The following LNPK variants were observed in gnomAD, a reference collection of about 807,000 sequenced individuals.
LNPK encodes the protein endoplasmic reticulum junction formation protein lunapark.
A neutral mutation model predicts 55.2 loss-of-function variants in LNPK; 29 were observed. The observed-to-expected ratio is 0.53, with a 90% CI of 0.39 to 0.72. The LOEUF (loss-of-function observed/expected upper bound fraction) is 0.72, where lower values mean the gene tolerates loss of function less well. LNPK is among the 30% of genes least tolerant of loss of function. The pLI, the probability that LNPK is intolerant of heterozygous loss-of-function variation, is 0.00. For missense variants in LNPK, 467 were observed against 494.8 expected (o/e 0.94, Z 0.53); for synonymous variants, 162 against 168.2 (o/e 0.96, Z 0.29).
chr2:175,969,659 A>C (rs1032050086), intron 6 of LNPK, among the ~76,000 whole-genome samples: 4 of 152,168 alleles, frequency 2.6e-5, no homozygotes, highest in Non-Finnish European at 4.4e-5. Context: ...ATCATATCAC[A>C]ACTTCTAAAT....
chr2:175,995,607 A>G lies in LNPK; in HGVS notation c.-23T>C. The G allele has an allele frequency of 6.3e-7, 1 of 1,591,390 alleles. No homozygotes were observed. Among genetic ancestry groups the G allele is most frequent in the South Asian group, 1.1e-5 (1 of 90,514 alleles). ...CATCTTTTATTTGTAGAAACTGGGC[A>G]CAATGATAAATATCATCAATTGTCC... On this transcript the variant is annotated 5_prime_UTR_variant, in exon 2 of 13. Coordinates refer to ENST00000272748, the MANE Select transcript of LNPK (RefSeq NM_030650.3).
In LNPK at chr2:175,944,959, C is replaced by T. The variant is rs1033349438; in HGVS notation, c.706+2521G>A. 4.6e-5 allele frequency among the ~76,000 whole-genome samples: 7 copies of T among 151,214 alleles called. No homozygotes were observed. In the East Asian group the frequency reaches 9.8e-4, roughly 21 times the overall value. On this transcript the variant is annotated intron_variant, in intron 9 of 12. Transcript: ENST00000272748. Reference sequence around the variant, plus strand: ...TTGTTTTTTTTTTGAGACACAGTGGCGATATCTCAGTTCACTGTAACCTCC... The same window carrying T: ...TTGTTTTTTTTTTGAGACACAGTGGTGATATCTCAGTTCACTGTAACCTCC...
intron 11 of LNPK, 115 bp from the exon 12 acceptor site, chr2:175,937,629 A>T (rs1304855463): frequency 1.5e-6 from 1 of 665,716 alleles, no homozygotes; most frequent in Non-Finnish European, 2.5e-6. Flanking sequence ...TTTAAAAGTT[A>T]CTGTGTATGT....
chr2:175,960,131 T>C (rs1322525602), intron 8 of LNPK, among the ~76,000 whole-genome samples: 1 of 152,158 alleles, frequency 6.6e-6, no homozygotes, highest in African/African-American at 2.4e-5. Flanking sequence ...CACCCCACTG[T>C]CAATATTAGA....
chr2:175,988,306 A>AGC (rs1159800732), intron 4 of LNPK, among the ~76,000 whole-genome samples: 5 of 152,028 alleles, frequency 3.3e-5, no homozygotes, highest in African/African-American at 9.7e-5. Flanking sequence ...GTTTGAGACC[A>AGC]GCCTGGTCAA....
intron 4 of LNPK, among the ~76,000 whole-genome samples, chr2:175,986,525 TAC>T (rs1687420833): frequency 6.6e-6 from 1 of 152,072 alleles, no homozygotes; most frequent in South Asian, 2.1e-4. Flanking sequence ...CAAAAACATG[TAC>T]AGTGTTATTG....
chr2:175,985,395 G>A (rs1687357627), intron 4 of LNPK, among the ~76,000 whole-genome samples: 1 of 152,192 alleles, frequency 6.6e-6, no homozygotes, highest in South Asian at 2.1e-4. Context: ...TTGAAGCAAT[G>A]TCAATTTCCT....
In LNPK at chr2:175,928,529, A is replaced by G. The variant is rs1221923539; in HGVS notation, c.*1438T>C. The G allele has an allele frequency of 1.4e-5, 2 of 143,796 alleles. No individual in the cohort carries two copies. Among genetic ancestry groups the G allele is most frequent in the African/African-American group, 2.6e-5 (1 of 38,976 alleles). 8.9% of individuals were successfully genotyped at this position (143,796 alleles called of 1,614,324 possible). Reference sequence around the variant, plus strand: ...AGTTCCAAAAAAAAAAAAAAAAAAAAACTGTCACATATGAGATATTAAATC... The same window carrying G: ...AGTTCCAAAAAAAAAAAAAAAAAAAGACTGTCACATATGAGATATTAAATC... On this transcript the variant is annotated 3_prime_UTR_variant, in exon 13 of 13. Transcript: ENST00000272748.
rs977157856 is a variant in LNPK, at chr2:175,926,229, G to C, written c.*3738C>G. ...TGCTATGGTTTGAATGCTACAAAAA[G>C]CATGTGTTGAAAACTTATGCTAACT... is the stretch of plus-strand genomic sequence containing the variant. On this transcript the variant is annotated 3_prime_UTR_variant, in exon 13 of 13. Transcript: ENST00000272748. 3.3e-5 allele frequency: 5 copies of C among 152,186 alleles called. No individual in the cohort carries two copies. The South Asian group carries it at 1.0e-3, about 31-fold the overall frequency. The allele number at this position is 152,186 out of a possible 1,614,324, so 9.4% of individuals were successfully genotyped here. A position where few individuals can be genotyped will look rare whatever the true frequency, so the allele number is the denominator to read the frequency against.
chr2:175,968,838 G>A (rs1434084078), intron 6 of LNPK, among the ~76,000 whole-genome samples: 3 of 152,010 alleles, frequency 2.0e-5, no homozygotes, highest in Admixed American at 6.6e-5. Flanking sequence ...GGCCAACATA[G>A]TGAAGCCCCG....
At chr2:175,955,404 TCAGTA>T (rs1239436585) in intron 8 of LNPK, among the ~76,000 whole-genome samples, 1 of 152,114 alleles carries the variant, frequency 6.6e-6, no homozygotes, top group Non-Finnish European at 1.5e-5. Flanking sequence ...ATCCTCTAGC[TCAGTA>T]AAGTAGCTCT....
intron 8 of LNPK, among the ~76,000 whole-genome samples, chr2:175,948,868 T>C (rs1685270733): frequency 2.0e-5 from 3 of 152,140 alleles, no homozygotes; most frequent in Non-Finnish European, 4.4e-5. Flanking sequence ...GCCCTGCAGT[T>C]AGAAAGATTT....
rs922888432 is a variant in LNPK at position 175,929,652 on chromosome 2, G to A, written c.*315C>T. 13 of 1,071,418 alleles carry A rather than the reference G, an allele frequency of 1.2e-5. No individual in the cohort carries two copies. The highest frequency in any genetic ancestry group is 8.3e-5 in the African/African-American group (5 of 60,288). 66.4% of individuals were successfully genotyped at this position (1,071,418 alleles called of 1,614,324 possible). A position where few individuals can be genotyped will look rare whatever the true frequency, so the allele number is the denominator to read the frequency against. On this transcript the variant is annotated 3_prime_UTR_variant, in exon 13 of 13. Coordinates refer to ENST00000272748, the MANE Select transcript of LNPK (RefSeq NM_030650.3). ...TTCCTATGTCAAAATGGATATTTAC[G>A]GGTTATACATACAGAAAACAAGAAG...
chr2:175,986,744 T>C (rs1469819440), intron 4 of LNPK, among the ~76,000 whole-genome samples: 1 of 151,942 alleles, frequency 6.6e-6, no homozygotes, highest in African/African-American at 2.4e-5. Flanking sequence ...CCTTTCTTGA[T>C]TAAAAAAAAC....
chr2:175,999,538 C>G (rs1242076591), intron 1 of LNPK, among the ~76,000 whole-genome samples: 1 of 152,208 alleles, frequency 6.6e-6, no homozygotes, highest in Non-Finnish European at 1.5e-5. Flanking sequence ...TAATCCATCT[C>G]TCCTTTCTTT....
intron 2 of LNPK, chr2:175,994,354 A>G: frequency 3.1e-6 from 3 of 982,854 alleles, no homozygotes; most frequent in Non-Finnish European, 3.6e-6. Flanking sequence ...TAACAGGGTC[A>G]ATATAATGCT....
intron 9 of LNPK, among the ~76,000 whole-genome samples, chr2:175,940,825 A>G (rs1684800811): frequency 6.6e-6 from 1 of 152,188 alleles, no homozygotes; most frequent in Admixed American, 6.6e-5. Context: ...AAAACTTAAA[A>G]CCAAATTGAA....
chr2:175,977,102 A>G (rs569127108), intron 5 of LNPK, among the ~76,000 whole-genome samples: 6 of 152,302 alleles, frequency 3.9e-5, no homozygotes, highest in African/African-American at 1.4e-4. Flanking sequence ...TAAACTCCTA[A>G]GTGGAAATGT....
At chr2:175,970,377 C>T (rs1686600166) in intron 6 of LNPK, among the ~76,000 whole-genome samples, 1 of 152,150 alleles carries the variant, frequency 6.6e-6, no homozygotes, top group East Asian at 1.9e-4. Context: ...AACCGATCTT[C>T]TTGATTCCCT....
Sources: gnomAD v4.1 joint callset for allele counts (sites outside exome capture counted in the v4.1 genomes callset) on GRCh38, gnomAD v4.1.1 for gene constraint, MANE v1.5 for transcripts, NCBI Gene and HGNC (gene_info 2026-07-23, HGNC 2026-07-21) for gene names.